LMAN1L: variants seen among roughly 807,000 people sequenced by gnomAD.
LMAN1L encodes the protein protein ERGIC-53-like.
In LMAN1L, 60 loss-of-function variants were observed where a neutral mutation model predicts 58.3. The ratio of observed to expected loss-of-function variants is 1.03; its 90% CI spans 0.84 to 1.27. The LOEUF (loss-of-function observed/expected upper bound fraction) is 1.27, where lower values mean the gene tolerates loss of function less well. LMAN1L is among the 50% of genes most tolerant of loss of function. LMAN1L has a pLI of 0.00. For synonymous variants in LMAN1L, 280 were observed against 271.6 expected, an observed-to-expected ratio of 1.03 and a Z score of -0.31; for missense variants, 629 against 674.0, an observed-to-expected ratio of 0.93 and a Z score of 0.74.
At chr15:74,815,066 A>G (rs891028677) in intron 1 of LMAN1L, among the ~76,000 whole-genome samples, 3 of 152,192 alleles carry the variant, frequency 2.0e-5, no homozygotes, top group African/African-American at 7.2e-5. Flanking sequence ...CTGTTCATTC[A>G]TTCGTTCACC....
chr15:74,816,115 G>C, intron 1 of LMAN1L, 42 bp from the exon 2 acceptor site: 1 of 1,527,116 alleles, frequency 6.5e-7, no homozygotes, highest in Non-Finnish European at 8.8e-7. Context: ...GGGGGAGATG[G>C]GGTGTAGTGG....
intron 12 of LMAN1L, 170 bp downstream of exon 12, chr15:74,823,852 C>A: frequency 1.5e-6 from 1 of 665,892 alleles, no homozygotes; most frequent in Non-Finnish European, 2.5e-6. Flanking sequence ...TCCGTGCATA[C>A]GTGCCACCAC....
chr15:74,822,706 T>C lies in LMAN1L; in HGVS notation c.1196T>C (p.Met399Thr), dbSNP rs1596380376. 4 of 1,613,320 alleles carry C rather than the reference T, an allele frequency of 2.5e-6. No homozygotes were observed. The highest frequency in any genetic ancestry group is 3.4e-6 in the Non-Finnish European group (4 of 1,179,436). Residue 399 changes from methionine to threonine, a missense_variant, in exon 11 of 14, where the codon ATG (methionine) becomes ACG (threonine). This residue lies in a region of LMAN1L where 573 missense variants were observed against 597.3 expected (regional missense o/e 0.96). Transcript: ENST00000309664. ...QWTLLQALQE[M>T]RDAAVRMAAE... ...ACTCTGCTCCAGGCCCTGCAAGAGATGAGGTAAGGGACTGGGTGGGGACCC... is the reference window on the plus strand; with the variant it reads ...ACTCTGCTCCAGGCCCTGCAAGAGACGAGGTAAGGGACTGGGTGGGGACCC...
rs765766894 is a variant in LMAN1L at position 74,812,854 on chromosome 15, G to C, written c.-1G>C. 12 of 1,592,140 alleles carry C rather than the reference G, an allele frequency of 7.5e-6. No homozygotes were observed. Among genetic ancestry groups the C allele is most frequent in the Non-Finnish European group, 8.6e-6 (10 of 1,167,728 alleles). Reference sequence around the variant, plus strand: ...GGGCCCAGACTTCAGGCGCCTTCACGATGCCGGCGGTCAGTGGTCCAGGTC... The same window carrying C: ...GGGCCCAGACTTCAGGCGCCTTCACCATGCCGGCGGTCAGTGGTCCAGGTC... On this transcript the variant is annotated 5_prime_UTR_variant, in exon 1 of 14. Transcript: ENST00000309664.
chr15:74,822,646 C>T lies in LMAN1L; in HGVS notation c.1136C>T (p.Ser379Phe). 6.2e-7 allele frequency: 1 copy of T among 1,613,970 alleles called. No individual in the cohort carries two copies. Among genetic ancestry groups the T allele is most frequent in the South Asian group, 1.1e-5 (1 of 91,088 alleles). Residue 379 changes from serine to phenylalanine, a missense_variant, in exon 11 of 14, where the codon TCT becomes TTT. By Grantham distance (155) the Ser-to-Phe change is radical. Around this residue, in one of 3 missense-constraint regions of LMAN1L, gnomAD observed 573 missense variants for 597.3 expected, o/e 0.96. Coordinates refer to ENST00000309664, the MANE Select transcript of LMAN1L (RefSeq NM_021819.3). ...GHLSMSLNKD[S>F]AKVGALLHGQ... ...CAAGAGGCTGCCCCTCTGCAGGACTCTGCCAAGGTCGGTGCCCTGCTCCAT... is the reference window on the plus strand; with the variant it reads ...CAAGAGGCTGCCCCTCTGCAGGACTTTGCCAAGGTCGGTGCCCTGCTCCAT...
chr15:74,825,282 C>T, intron 13 of LMAN1L, 194 bp from the exon 14 acceptor site: 1 of 560,982 alleles, frequency 1.8e-6, no homozygotes, highest in Non-Finnish European at 3.2e-6. Context: ...CAGCCTGGAG[C>T]CACTAGGACA....
Position 74,821,178 on chromosome 15 carries a change from G to T in LMAN1L, c.1011G>T (p.Trp337Cys). 6.4e-7 allele frequency: 1 copy of T among 1,551,454 alleles called. No individual in the cohort carries two copies. Among genetic ancestry groups the T allele is most frequent in the South Asian group, 1.2e-5 (1 of 84,086 alleles). ...AGCTGGCCCAGGCTGAGAGACAATG[G>T]AAGAAGCAGCTGGGGCCCCCAGGCC... is the stretch of plus-strand genomic sequence containing the variant. ...SKQLAQAERQ[W>C]KKQLGPPGQA... The change falls in exon 9 of 14, where the codon TGG becomes TGT. Residue 337 changes from tryptophan (W) to cysteine (C), a missense_variant. This residue lies in a region of LMAN1L where 573 missense variants were observed against 597.3 expected (regional missense o/e 0.96). Transcript: ENST00000309664.
At chr15:74,814,124 C>CA (rs550948566) in intron 1 of LMAN1L, among the ~76,000 whole-genome samples, 11,482 of 63,796 alleles carry the variant, frequency 0.18, 1,013 homozygotes, top group South Asian at 0.52. Flanking sequence ...GACTCTGGCT[C>CA]AAAAAAAAAA....
chr15:74,824,696 G>A (rs1299600766), intron 13 of LMAN1L: 3 of 534,332 alleles, frequency 5.6e-6, no homozygotes, highest in Non-Finnish European at 6.6e-6. Flanking sequence ...CTCTCACGGA[G>A]CTCACTCACA....
chr15:74,820,175 C>A (rs1351048542), intron 7 of LMAN1L, 76 bp downstream of exon 7: 3 of 1,290,876 alleles, frequency 2.3e-6, no homozygotes, highest in African/African-American at 1.5e-5. Flanking sequence ...TGCCCTCAGA[C>A]CTGCCATTCC....
Position 74,821,858 on chromosome 15 carries a change from C to T in LMAN1L, c.1089C>T (p.Ser363=). 6.2e-7 allele frequency: 1 copy of T among 1,613,270 alleles called. No homozygotes were observed. Reference sequence around the variant, plus strand: ...TGGATGCTTCCTGCCAGATTCCATCCACCCCAGGGAGGGGTGGCCACCTCT... The same window carrying T: ...TGGATGCTTCCTGCCAGATTCCATCTACCCCAGGGAGGGGTGGCCACCTCT... ...WALDASCQIP[S]TPGRGGHLSM... is the part of the protein sequence containing the mutation. Residue 363 remains serine (S), a synonymous_variant, in exon 10 of 14, where the codon TCC becomes TCT. Coordinates refer to ENST00000309664, the MANE Select transcript of LMAN1L (RefSeq NM_021819.3).
At position 74,822,062 on chromosome 15, in the gene LMAN1L, C is replaced by A. The variant is rs557808432; in HGVS notation, c.1131+162C>A. On this transcript the variant is annotated intron_variant, in intron 10 of 13. Coordinates refer to ENST00000309664, the MANE Select transcript of LMAN1L (RefSeq NM_021819.3). ...TTTTGGCTTGGCATGGTGGCTCACGCGTGTAATCCTAGCACTTTGGGAGGC... is the reference window on the plus strand; with the variant it reads ...TTTTGGCTTGGCATGGTGGCTCACGAGTGTAATCCTAGCACTTTGGGAGGC... 1.4e-4 allele frequency among the ~76,000 whole-genome samples: 22 copies of A among 152,240 alleles called. 1 individual carries two copies. The highest frequency in any genetic ancestry group is 5.3e-4 in the African/African-American group (22 of 41,506).
intron 6 of LMAN1L, chr15:74,819,675 T>A: frequency 2.2e-6 from 1 of 460,382 alleles, no homozygotes; most frequent in Non-Finnish European, 3.9e-6. Flanking sequence ...AGGAGGAGAG[T>A]GACATGGTCA....
Position 74,822,579 on chromosome 15 carries a change from G to A in LMAN1L, c.1132-63G>A, listed in dbSNP as rs973168784. On this transcript the variant is annotated intron_variant, in intron 10 of 13. Transcript: ENST00000309664. ...GAAGAGGCTGCAGTGCCGCTGGGAA[G>A]GTGGGCTCTGAGAAGAGAGGGGCTA... is the stretch of plus-strand genomic sequence containing the variant. The A allele has an allele frequency of 5.2e-6, 7 of 1,350,974 alleles. No homozygotes were observed. In the African/African-American group the frequency reaches 1.0e-4, roughly 19 times the overall value. 83.7% of individuals were successfully genotyped at this position (1,350,974 alleles called of 1,614,324 possible).
At position 74,825,680 on chromosome 15, in the gene LMAN1L, C is replaced by T. The variant is rs1003361937; in HGVS notation, c.*75C>T. ...GTGGGGGCTTGGTCAGTATCCTCTC[C>T]GTCTGGGTGCCCAGCTCCCACGCAC... is the stretch of plus-strand genomic sequence containing the variant. On this transcript the variant is annotated 3_prime_UTR_variant, in exon 14 of 14. Coordinates refer to ENST00000309664, the MANE Select transcript of LMAN1L (RefSeq NM_021819.3). 6.1e-6 allele frequency: 9 copies of T among 1,486,664 alleles called. No individual in the cohort carries two copies. In the African/African-American group the frequency reaches 6.9e-5, roughly 11 times the overall value. The allele number at this position is 1,486,664 out of a possible 1,614,324, so 92.1% of individuals were successfully genotyped here. A position where few individuals can be genotyped will look rare whatever the true frequency, so the allele number is the denominator to read the frequency against.
intron 12 of LMAN1L, 160 bp downstream of exon 12, chr15:74,823,842 T>TG (rs2063928934): frequency 1.4e-6 from 1 of 736,450 alleles, no homozygotes; most frequent in African/African-American, 1.8e-5. Flanking sequence ...TGTCTGTGTG[T>TG]CCGTGCATAC....
At position 74,825,727 on chromosome 15, in the gene LMAN1L, C is replaced by G. The variant is rs572078777; in HGVS notation, c.*122C>G. 2.2e-5 allele frequency: 21 copies of G among 937,022 alleles called. 2 individuals carry two copies. In the South Asian group the frequency reaches 3.2e-4, roughly 14 times the overall value. 58.0% of individuals were successfully genotyped at this position (937,022 alleles called of 1,614,324 possible). A position where few individuals can be genotyped will look rare whatever the true frequency, so the allele number is the denominator to read the frequency against. On this transcript the variant is annotated 3_prime_UTR_variant, in exon 14 of 14. Coordinates refer to ENST00000309664, the MANE Select transcript of LMAN1L (RefSeq NM_021819.3). ...GCACACCTGAGCTTTCGGCATGCTC[C>G]CACCTCGTTAAAGGTGATTTCCCTC...
rs1192147945 is a variant in LMAN1L, at chr15:74,819,210, G to A, written c.656G>A (p.Gly219Glu). Residue 219 changes from glycine to glutamate, a missense_variant, in exon 6 of 14, where the codon GGG (glycine) becomes GAG (glutamate). Physicochemically the swap from Gly to Glu is moderately conservative, Grantham distance 98 (BLOSUM62 -2). Coordinates refer to ENST00000309664, the MANE Select transcript of LMAN1L (RefSeq NM_021819.3). ...SDPGEFCVDV[G>E]PLLLVPGGFF... ...CCAGGTGAGTTCTGTGTGGATGTGGGGCCCCTGCTTTTGGTCCCTGGAGGT... is the reference window on the plus strand; with the variant it reads ...CCAGGTGAGTTCTGTGTGGATGTGGAGCCCCTGCTTTTGGTCCCTGGAGGT... 4 of 1,614,190 alleles carry A rather than the reference G, an allele frequency of 2.5e-6. No individual in the cohort carries two copies. Among genetic ancestry groups the A allele is most frequent in the Admixed American group, 1.7e-5 (1 of 60,018 alleles).
chr15:74,819,605 A>C, intron 6 of LMAN1L: 1 of 487,198 alleles, frequency 2.1e-6, no homozygotes. Flanking sequence ...CACAGCGGGA[A>C]AGCTGAGGGC....
Sources: allele counts gnomAD v4.1 joint callset (sites outside exome capture counted in the v4.1 genomes callset), GRCh38; gene constraint gnomAD v4.1.1; regional missense constraint gnomAD v4.1.1; transcripts MANE v1.5; gene names NCBI Gene and HGNC (gene_info 2026-07-23, HGNC 2026-07-21).